HYCC1: variants seen among roughly 807,000 people sequenced by gnomAD.
HYCC1 encodes the protein hyccin.
the HYCC1 span, among the ~76,000 whole-genome samples, chr7:22,951,234 C>A: frequency 6.6e-6 from 1 of 151,880 alleles, no homozygotes; most frequent in African/African-American, 2.4e-5. Context: ...ATGTCACTTA[C>A]AAAACCACCT....
chr7:22,911,858 G>A, the HYCC1 span, among the ~76,000 whole-genome samples: 1 of 152,312 alleles, frequency 6.6e-6, no homozygotes, highest in East Asian at 1.9e-4. Flanking sequence ...AAATGTTTCT[G>A]ATCATGTAGC....
the HYCC1 span, among the ~76,000 whole-genome samples, chr7:22,994,293 G>A: frequency 1.2e-4 from 18 of 152,254 alleles, no homozygotes; most frequent in Admixed American, 2.6e-4. Context: ...CTGTGTTACA[G>A]TGTTGGATAA....
At chr7:22,913,270 A>C in the HYCC1 span, among the ~76,000 whole-genome samples, 29 of 152,246 alleles carry the variant, frequency 1.9e-4, no homozygotes, top group African/African-American at 6.8e-4. Flanking sequence ...GCATTGTTGA[A>C]AACAATAGAG....
At chr7:22,947,326 A>C in the HYCC1 span, 1 of 1,186,366 alleles carries the variant, frequency 8.4e-7, no homozygotes, top group African/African-American at 1.5e-5. Flanking sequence ...AAAGACTCAA[A>C]ACAAAAATTA....
chr7:22,977,604 C>G, the HYCC1 span, among the ~76,000 whole-genome samples: 3 of 152,128 alleles, frequency 2.0e-5, no homozygotes, highest in African/African-American at 7.2e-5. Context: ...AACTGTACAT[C>G]CTTCCACTTA....
the HYCC1 span, among the ~76,000 whole-genome samples, chr7:22,952,673 T>G: frequency 3.3e-5 from 5 of 151,974 alleles, no homozygotes; most frequent in Admixed American, 2.0e-4. Context: ...GCCTTTTTTA[T>G]CAATAGAAGT....
chr7:22,900,993 G>A, the HYCC1 span, among the ~76,000 whole-genome samples: 1 of 152,012 alleles, frequency 6.6e-6, no homozygotes, highest in East Asian at 1.9e-4. Context: ...GCTGAGGCAG[G>A]CAGATTCCTT....
chr7:22,969,526 T>G, the HYCC1 span, among the ~76,000 whole-genome samples: 530 of 18,866 alleles, frequency 0.028, 3 homozygotes, highest in African/African-American at 0.065. Context: ...TTTTTTTTGG[T>G]TTTTTTTTTT....
At chr7:22,966,746 T>C in the HYCC1 span, among the ~76,000 whole-genome samples, 4 of 152,124 alleles carry the variant, frequency 2.6e-5, no homozygotes, top group African/African-American at 9.7e-5. Context: ...CCACAGACCA[T>C]TTCAAAAATA....
chr7:22,906,687 A>AT, the HYCC1 span, among the ~76,000 whole-genome samples: 1 of 152,178 alleles, frequency 6.6e-6, no homozygotes, highest in African/African-American at 2.4e-5. Context: ...AATATGTAAT[A>AT]TAGTACTAAT....
the HYCC1 span, among the ~76,000 whole-genome samples, chr7:22,908,793 G>GTAAA: frequency 6.6e-6 from 1 of 152,176 alleles, no homozygotes; most frequent in Non-Finnish European, 1.5e-5. Flanking sequence ...TTACCTGGGG[G>GTAAA]CCTTGGGCCA....
chr7:22,952,933 C>A, the HYCC1 span, among the ~76,000 whole-genome samples: 7 of 151,886 alleles, frequency 4.6e-5, no homozygotes, highest in African/African-American at 1.7e-4. Flanking sequence ...AAAAGAGCAG[C>A]CTGGGGCATA....
the HYCC1 span, chr7:22,978,086 A>T: frequency 4.8e-6 from 3 of 622,224 alleles, no homozygotes; most frequent in Non-Finnish European, 8.5e-6. Context: ...AAGGTAAGTT[A>T]CATAATTACA....
chr7:22,969,174 TTTTG>T, the HYCC1 span, among the ~76,000 whole-genome samples: 2 of 151,008 alleles, frequency 1.3e-5, no homozygotes, highest in African/African-American at 2.4e-5. Context: ...CCAGTTCTTT[TTTTG>T]TTTGTTTGTT....
chr7:23,002,917 A>G, the HYCC1 span, among the ~76,000 whole-genome samples: 2 of 152,100 alleles, frequency 1.3e-5, no homozygotes, highest in Non-Finnish European at 2.9e-5. Context: ...GTCACTCCCT[A>G]TGGCTTATAG....
At chr7:22,908,682 A>C in the HYCC1 span, among the ~76,000 whole-genome samples, 1 of 152,312 alleles carries the variant, frequency 6.6e-6, no homozygotes, top group South Asian at 2.1e-4. Context: ...TGTGTAGTAA[A>C]GAATTAAGTG....
the HYCC1 span, among the ~76,000 whole-genome samples, chr7:22,982,508 T>C: frequency 2.0e-5 from 3 of 152,186 alleles, no homozygotes; most frequent in Non-Finnish European, 2.9e-5. Context: ...AGATCCATAT[T>C]GGACTGGACT....
At chr7:22,944,749 T>C in the HYCC1 span, 1 of 152,286 alleles carries the variant, frequency 6.6e-6, no homozygotes, top group African/African-American at 2.4e-5. Flanking sequence ...CCAAACTAAC[T>C]AGGATTTCCA....
chr7:22,980,953 C>T, the HYCC1 span, among the ~76,000 whole-genome samples: 2 of 152,178 alleles, frequency 1.3e-5, no homozygotes, highest in South Asian at 2.1e-4. Flanking sequence ...TTGAACACAT[C>T]ACATATCGCA....
Sources: allele counts gnomAD v4.1 joint callset (sites outside exome capture counted in the v4.1 genomes callset), GRCh38; gene constraint gnomAD v4.1.1; transcripts MANE v1.5; gene names NCBI Gene and HGNC (gene_info 2026-07-23, HGNC 2026-07-21).